The following ATAD5 variants were observed in gnomAD, a reference collection of about 807,000 sequenced individuals.
ATAD5 encodes the protein ATPase family AAA domain-containing protein 5.
ATAD5 carries 58 observed loss-of-function variants against 176.9 expected under a neutral mutation model. The ratio of observed to expected loss-of-function variants is 0.33; its 90% confidence interval spans 0.27 to 0.41. The LOEUF (loss-of-function observed/expected upper bound fraction) is 0.41. ATAD5 is among the 10% of genes least tolerant of loss of function. The probability of loss-of-function intolerance (pLI) is 1.00; values close to 1 mark genes in which losing one functional copy is unlikely to be tolerated. For missense variants in ATAD5, 1,789 were observed against 2,094.1 expected (o/e 0.85, Z 2.84); for synonymous variants, 640 against 712.6 (o/e 0.90, Z 1.62).
At chr17:30,883,159 C>G (rs1327471868) in intron 18 of ATAD5, among the ~76,000 whole-genome samples, 1 of 146,966 alleles carries the variant, frequency 6.8e-6, no homozygotes, top group Admixed American at 6.8e-5. Flanking sequence ...CGGTCTCACT[C>G]TATCTCCTAG....
At chr17:30,843,466 A>G (rs1440428401) in intron 4 of ATAD5, among the ~76,000 whole-genome samples, 1 of 152,032 alleles carries the variant, frequency 6.6e-6, no homozygotes, top group Non-Finnish European at 1.5e-5. Flanking sequence ...CCTGGCCAAC[A>G]TGGCGAAACC....
rs767192995 is a variant in ATAD5, at chr17:30,837,221, A to G, written c.1983A>G (p.Arg661=). The stretch of plus-strand genomic sequence containing the variant: ...TTTATTTCAGAATGAAATTCACCAG[A>G]ATTAGTACTCCCAAAAAATCTAAGA... The part of the protein sequence containing the change: ...SESPIRMKFT[R]ISTPKKSKKK... Residue 661 remains arginine (R), a synonymous_variant, in exon 3 of 23, where the codon AGA becomes AGG. Transcript: ENST00000321990. The G allele has an allele frequency of 6.5e-7, 1 of 1,541,000 alleles. No homozygotes were observed. Among genetic ancestry groups the G allele is most frequent in the Non-Finnish European group, 8.8e-7 (1 of 1,137,068 alleles).
intron 18 of ATAD5, among the ~76,000 whole-genome samples, chr17:30,885,995 T>C (rs140041753): frequency 7.2e-5 from 11 of 152,252 alleles, no homozygotes; most frequent in African/African-American, 1.4e-4. Flanking sequence ...GTTGAAATCA[T>C]ATTTTTCTAC....
intron 10 of ATAD5, among the ~76,000 whole-genome samples, chr17:30,860,900 C>T (rs1055990974): frequency 4.7e-5 from 7 of 150,420 alleles, no homozygotes; most frequent in Non-Finnish European, 7.4e-5. Flanking sequence ...CCCACCTGCA[C>T]GCCCAGATAA....
At position 30,857,121 on chromosome 17, in the gene ATAD5, TAA is replaced by T; in HGVS notation, c.2793+11_2793+12del. 1.2e-6 allele frequency: 2 copies of T among 1,603,876 alleles called. No homozygotes were observed. Among genetic ancestry groups the T allele is most frequent in the Non-Finnish European group, 1.7e-6 (2 of 1,177,594 alleles). Reference sequence around the variant, plus strand: ...GTAACTCTGCTGCTGTGGTAAGTATTAAATAGTTCATCCATTGTAGAGTGTTT... The same window carrying T: ...GTAACTCTGCTGCTGTGGTAAGTATTATAGTTCATCCATTGTAGAGTGTTT... On this transcript the variant is annotated intron_variant, in intron 8 of 22. Transcript: ENST00000321990.
chr17:30,877,970 G>A (rs1908770795), intron 16 of ATAD5, 33 bp from the exon 17 acceptor site: 1 of 1,337,138 alleles, frequency 7.5e-7, no homozygotes, highest in East Asian at 2.3e-5. Flanking sequence ...ATTAGTAAGT[G>A]TATTAATATA....
intron 7 of ATAD5, among the ~76,000 whole-genome samples, 155 bp downstream of exon 7, chr17:30,855,482 G>A (rs1245878248): frequency 6.6e-6 from 1 of 152,020 alleles, no homozygotes; most frequent in African/African-American, 2.4e-5. Context: ...ACTATCCATG[G>A]GGTTTGATTC....
intron 16 of ATAD5, 61 bp from the exon 17 acceptor site, chr17:30,877,942 T>C: frequency 2.6e-6 from 3 of 1,155,344 alleles, no homozygotes; most frequent in South Asian, 2.9e-5. Context: ...GAATATTTAC[T>C]ATGTATACAT....
chr17:30,833,576 G>T (rs565050404), intron 1 of ATAD5, among the ~76,000 whole-genome samples: 91 of 152,318 alleles, frequency 6.0e-4, no homozygotes, highest in African/African-American at 2.1e-3. Context: ...GTCAGAGCCA[G>T]CATTTAACTT....
chr17:30,894,173 T>G, intron 21 of ATAD5, 23 bp downstream of exon 21: 1 of 1,500,460 alleles, frequency 6.7e-7, no homozygotes, highest in South Asian at 1.4e-5. Flanking sequence ...TCCTTTACTT[T>G]TTATTTTTTG....
Position 30,835,162 on chromosome 17 carries a change from G to A in ATAD5, c.1081G>A (p.Glu361Lys). 6.2e-7 allele frequency: 1 copy of A among 1,614,032 alleles called. No homozygotes were observed. Among genetic ancestry groups the A allele is most frequent in the South Asian group, 1.1e-5 (1 of 91,034 alleles). Residue 361 changes from glutamate (E) to lysine (K), a missense_variant, in exon 2 of 23, where the codon GAA becomes AAA. Physicochemically the swap from Glu to Lys is moderately conservative, Grantham distance 56. Transcript: ENST00000321990. ...AAATAGTTTATCTGATCCTGAGAAT[G>A]AACAGACAGTTCAGAAAAGAAAATC... ...MENSLSDPENEQTVQKRKSNV... is the reference protein window; with the variant it reads ...MENSLSDPENKQTVQKRKSNV...
At position 30,843,800 on chromosome 17, in the gene ATAD5, G is replaced by T. The variant is rs1408736189; in HGVS notation, c.2242-113G>T. The stretch of plus-strand genomic sequence containing the variant: ...AATGAGATAATATCTGATGGGAGGT[G>T]TATGGAGCTGCTAATTATGTTTTCT... On this transcript the variant is annotated intron_variant, in intron 4 of 22. Transcript: ENST00000321990. 17 of 561,386 alleles carry T rather than the reference G, an allele frequency of 3.0e-5. 1 individual carries two copies. The allele number at this position is 561,386 out of a possible 1,614,324, so 34.8% of individuals were successfully genotyped here. A position where few individuals can be genotyped will look rare whatever the true frequency, so the allele number is the denominator to read the frequency against.
At chr17:30,892,821 T>A (rs763341787) in intron 20 of ATAD5, 33 bp downstream of exon 20, 1 of 1,457,148 alleles carries the variant, frequency 6.9e-7, no homozygotes, top group East Asian at 2.3e-5. Context: ...AATGTTGAAT[T>A]TATATTCCTT....
At chr17:30,866,346 C>T (rs1375629909) in intron 11 of ATAD5, among the ~76,000 whole-genome samples, 1 of 150,556 alleles carries the variant, frequency 6.6e-6, no homozygotes, top group African/African-American at 2.4e-5. Context: ...TACAGGGGTG[C>T]ACCGCCATGC....
chr17:30,877,598 C>T, intron 16 of ATAD5, 49 bp downstream of exon 16: 1 of 1,531,440 alleles, frequency 6.5e-7, no homozygotes, highest in Admixed American at 2.1e-5. Flanking sequence ...TAAAGACTTA[C>T]TTTAAAGAAT....
chr17:30,890,312 AT>A (rs886685442), intron 19 of ATAD5, among the ~76,000 whole-genome samples: 1 of 152,110 alleles, frequency 6.6e-6, no homozygotes, highest in African/African-American at 2.4e-5. Flanking sequence ...GGTGTAACAA[AT>A]TAGTTAATAA....
chr17:30,872,089 A>AT (rs1000329367), intron 14 of ATAD5, among the ~76,000 whole-genome samples: 7 of 151,604 alleles, frequency 4.6e-5, no homozygotes, highest in African/African-American at 1.2e-4. Context: ...ATTAAAAGAA[A>AT]TTTTTTTTTG....
intron 18 of ATAD5, among the ~76,000 whole-genome samples, chr17:30,880,468 C>T (rs1162442307): frequency 2.6e-5 from 4 of 151,492 alleles, no homozygotes; most frequent in Admixed American, 6.6e-5. Context: ...ATTAGCTGGG[C>T]GTGGTGGCGC....
intron 18 of ATAD5, among the ~76,000 whole-genome samples, chr17:30,885,209 G>T (rs921145183): frequency 6.6e-6 from 1 of 151,924 alleles, no homozygotes; most frequent in Non-Finnish European, 1.5e-5. Context: ...TAGAAACAGG[G>T]TCTCTCTGTC....
Sources: allele counts gnomAD v4.1 joint callset (sites outside exome capture counted in the v4.1 genomes callset), GRCh38; gene constraint gnomAD v4.1.1; transcripts MANE v1.5; gene names NCBI Gene and HGNC (gene_info 2026-07-23, HGNC 2026-07-21).